Variants in IPCEF1 observed in about 807,000 individuals in gnomAD.
IPCEF1 encodes interactor protein for cytohesin exchange factors 1.
In IPCEF1, 31 loss-of-function variants were observed where a neutral mutation model predicts 50.9. The ratio of observed to expected loss-of-function variants is 0.61; its 90% CI spans 0.46 to 0.82. The LOEUF is 0.82. IPCEF1 is among the 40% of genes least tolerant of loss of function. The pLI is 0.00. For missense variants in IPCEF1, 458 were observed against 514.0 expected, an observed-to-expected ratio of 0.89 and a Z score of 1.05; for synonymous variants, 181 against 192.0, an observed-to-expected ratio of 0.94 and a Z score of 0.47.
rs571789089 is a variant in IPCEF1, at chr6:154,248,221, T to C, written c.37-733A>G. On this transcript the variant is annotated intron_variant, in intron 3 of 11. Coordinates refer to ENST00000367220, the MANE Select transcript of IPCEF1 (RefSeq NM_001130700.2). ...GACATAAGACAACATATATGAAATA[T>C]ACATTTTTTCCACAATACATTTTAA... Among the ~76,000 whole-genome samples the C allele has an allele frequency of 3.7e-4, 57 of 152,298 alleles. 2 individuals are homozygous for C. In the Middle Eastern group the frequency reaches 0.017, roughly 45 times the overall value.
At chr6:154,201,975 T>A (rs1017606668) in intron 9 of IPCEF1, among the ~76,000 whole-genome samples, 3 of 152,142 alleles carry the variant, frequency 2.0e-5, no homozygotes, top group Non-Finnish European at 2.9e-5. Flanking sequence ...CAAACTAGGA[T>A]CTTCTTCAAA....
chr6:154,282,061 C>T (rs1482638118), intron 2 of IPCEF1, among the ~76,000 whole-genome samples: 2 of 151,256 alleles, frequency 1.3e-5, no homozygotes, highest in South Asian at 2.1e-4. Flanking sequence ...CCCAGCTACT[C>T]GGGAGGCTGA....
chr6:154,227,901 C>CA (rs1554296544), intron 5 of IPCEF1, among the ~76,000 whole-genome samples: 1 of 150,776 alleles, frequency 6.6e-6, no homozygotes, highest in Non-Finnish European at 1.5e-5. Context: ...TAAGCAGAAG[C>CA]TTTTTTTTTA....
intron 2 of IPCEF1, among the ~76,000 whole-genome samples, chr6:154,288,302 T>C (rs1013994654): frequency 4.6e-5 from 7 of 152,354 alleles, no homozygotes; most frequent in East Asian, 3.9e-4. Context: ...AATACGCTAA[T>C]ACTTTCTGAA....
intron 1 of IPCEF1, among the ~76,000 whole-genome samples, chr6:154,342,962 G>A (rs193266650): frequency 4.6e-5 from 7 of 152,208 alleles, no homozygotes; most frequent in African/African-American, 1.4e-4. Context: ...AAATACACAA[G>A]AAAACTAGTA....
intron 5 of IPCEF1, among the ~76,000 whole-genome samples, chr6:154,236,726 T>G (rs1045005110): frequency 1.3e-5 from 2 of 152,190 alleles, no homozygotes; most frequent in African/African-American, 4.8e-5. Flanking sequence ...CTATTCATGC[T>G]TCTGTTGAAC....
At chr6:154,349,735 T>C (rs1784091682) in intron 1 of IPCEF1, among the ~76,000 whole-genome samples, 1 of 152,154 alleles carries the variant, frequency 6.6e-6, no homozygotes, top group African/African-American at 2.4e-5. Context: ...AAAAAGAACT[T>C]CTACCCTGTC....
chr6:154,214,419 C>T (rs1438069114), intron 7 of IPCEF1, 143 bp from the exon 8 acceptor site: 4 of 696,916 alleles, frequency 5.7e-6, no homozygotes, highest in East Asian at 2.6e-5. Flanking sequence ...TTTGTGCCAT[C>T]GAAACCTAAG....
chr6:154,242,831 T>C (rs1260223591), intron 5 of IPCEF1, among the ~76,000 whole-genome samples: 2 of 152,028 alleles, frequency 1.3e-5, no homozygotes, highest in Non-Finnish European at 2.9e-5. Context: ...GAGGTTGCAG[T>C]GAGCCGAGAT....
intron 1 of IPCEF1, among the ~76,000 whole-genome samples, chr6:154,297,409 C>A (rs1782692250): frequency 6.6e-6 from 1 of 152,140 alleles, no homozygotes; most frequent in South Asian, 2.1e-4. Flanking sequence ...GCACCCCTAC[C>A]ATGAGCATAT....
At position 154,298,139 on chromosome 6, in the gene IPCEF1, T is replaced by C. The variant is rs186506516; in HGVS notation, c.-61-8383A>G. ...AGTTTATTTCATCATTTAGCATTTC[T>C]ATGTTCTTTTAAATAAAAGCTACAT... On this transcript the variant is annotated intron_variant, in intron 1 of 11. Coordinates refer to ENST00000367220, the MANE Select transcript of IPCEF1 (RefSeq NM_001130700.2). Among the ~76,000 whole-genome samples the C allele has an allele frequency of 4.6e-5, 7 of 152,368 alleles. No homozygotes were observed. The East Asian group carries it at 1.2e-3, about 25-fold the overall frequency.
chr6:154,339,297 A>AT (rs1336353854), intron 1 of IPCEF1, among the ~76,000 whole-genome samples: 3 of 152,210 alleles, frequency 2.0e-5, no homozygotes, highest in African/African-American at 4.8e-5. Flanking sequence ...GAGCCTAATC[A>AT]TTTTTTAAAA....
At chr6:154,295,125 G>A (rs1046242911) in intron 1 of IPCEF1, among the ~76,000 whole-genome samples, 2 of 152,084 alleles carry the variant, frequency 1.3e-5, no homozygotes, top group Non-Finnish European at 2.9e-5. Flanking sequence ...GTGAAACCAG[G>A]AGGCGGGGAT....
rs34462600 is a variant in IPCEF1 at position 154,229,346 on chromosome 6, G to GTT, written c.247-6105_247-6104dup. 1.2e-3 allele frequency among the ~76,000 whole-genome samples: 130 copies of GTT among 112,624 alleles called. 2 individuals carry two copies. The highest frequency in any genetic ancestry group is 4.9e-3 in the Middle Eastern group (1 of 206). The allele number at this position is 112,624 out of a possible 152,430, so 73.9% of individuals were successfully genotyped here. On this transcript the variant is annotated intron_variant, in intron 5 of 11. Transcript: ENST00000367220. ...GAAGGCAGTGTGGAAAAGTTTGCCG[G>GTT]TTTTTTTTTTTTTTTTTTTTTGAGA...
intron 1 of IPCEF1, among the ~76,000 whole-genome samples, chr6:154,309,795 G>T (rs1429671531): frequency 1.4e-5 from 2 of 145,636 alleles, no homozygotes; most frequent in Admixed American, 6.9e-5. Context: ...ATGGAGTCTT[G>T]CTCTGTCACC....
chr6:154,170,654 C>T (rs1381071463), intron 10 of IPCEF1, among the ~76,000 whole-genome samples: 3 of 152,312 alleles, frequency 2.0e-5, no homozygotes, highest in South Asian at 4.1e-4. Flanking sequence ...CGTGTGCAGA[C>T]ATCAAAAGTG....
At position 154,352,005 on chromosome 6, in the gene IPCEF1, C is replaced by G. The variant is rs191492686; in HGVS notation, c.-62+4667G>C. On this transcript the variant is annotated intron_variant, in intron 1 of 11. Transcript: ENST00000367220. ...GAGGGCCGGGGGAGAGGGAGAGCAT[C>G]AGGAAGAATAAGCTAATGGATGCTG... 6.9e-4 allele frequency among the ~76,000 whole-genome samples: 105 copies of G among 152,244 alleles called. 2 individuals are homozygous for G. Among genetic ancestry groups the G allele is most frequent in the Admixed American group, 4.8e-3 (73 of 15,278 alleles).
Position 154,221,442 on chromosome 6 carries a change from AT to A in IPCEF1, c.321-115del. 3 of 794,492 alleles carry A rather than the reference AT, an allele frequency of 3.8e-6. No individual in the cohort carries two copies. The South Asian group carries it at 5.1e-5, about 13-fold the overall frequency. The allele number at this position is 794,492 out of a possible 1,614,324, so 49.2% of individuals were successfully genotyped here. ...GTAAACTTGTCTGCTTTCTTTGTAAATTTACAAAAAATAATTTAGTAATATT... is the reference window on the plus strand; with the variant it reads ...GTAAACTTGTCTGCTTTCTTTGTAAATTACAAAAAATAATTTAGTAATATT... On this transcript the variant is annotated intron_variant, in intron 6 of 11. Transcript: ENST00000367220.
intron 3 of IPCEF1, among the ~76,000 whole-genome samples, chr6:154,265,408 G>A (rs749671536): frequency 4.6e-5 from 7 of 151,918 alleles, no homozygotes; most frequent in Non-Finnish European, 1.0e-4. Context: ...AGCCTCCTCA[G>A]TAACTGGGAT....
Sources: allele counts gnomAD v4.1 joint callset (sites outside exome capture counted in the v4.1 genomes callset), GRCh38; gene constraint gnomAD v4.1.1; transcripts MANE v1.5; gene names NCBI Gene and HGNC (gene_info 2026-07-23, HGNC 2026-07-21).